The following KCNH8 variants were observed in gnomAD, a reference collection of about 807,000 sequenced individuals.
The protein encoded by KCNH8 is potassium voltage-gated channel subfamily H member 8.
In KCNH8, 70 loss-of-function variants were observed where a neutral mutation model predicts 103.6. The ratio of observed to expected loss-of-function variants is 0.68; its 90% CI spans 0.56 to 0.82. The LOEUF is 0.82. Among genes scored for constraint, KCNH8 ranks in the 40% least tolerant of loss-of-function variants. KCNH8 has a pLI of 0.00. For synonymous variants in KCNH8, 498 were observed against 489.4 expected (o/e 1.02, Z -0.23); for missense variants, 1,217 against 1,329.9 (o/e 0.92, Z 1.32).
At chr3:19,444,038 A>T (rs1242884718) in intron 8 of KCNH8, among the ~76,000 whole-genome samples, 2 of 152,028 alleles carry the variant, frequency 1.3e-5, no homozygotes, top group Non-Finnish European at 2.9e-5. Context: ...TTGAAAATTG[A>T]CAAGTTGTTT....
At chr3:19,186,867 G>A (rs938979160) in intron 1 of KCNH8, among the ~76,000 whole-genome samples, 3 of 152,012 alleles carry the variant, frequency 2.0e-5, no homozygotes, top group Non-Finnish European at 2.9e-5. Context: ...AATGTTTTCT[G>A]CTTCTTAAGC....
chr3:19,482,513 C>T (rs1418764094), intron 11 of KCNH8, among the ~76,000 whole-genome samples: 2 of 152,104 alleles, frequency 1.3e-5, no homozygotes. Context: ...TTTTTGTGAA[C>T]TAAGGTAGCA....
chr3:19,473,885 GTGGATA>G (rs112192029), intron 11 of KCNH8, among the ~76,000 whole-genome samples: 6,960 of 152,222 alleles, frequency 0.046, 364 homozygotes, highest in East Asian at 0.26. Flanking sequence ...TATTTTACCT[GTGGATA>G]TGGATATGTT....
intron 11 of KCNH8, among the ~76,000 whole-genome samples, chr3:19,465,746 GT>G (rs1468378616): frequency 1.3e-5 from 2 of 151,514 alleles, no homozygotes; most frequent in African/African-American, 4.9e-5. Context: ...ATTAACAGGA[GT>G]TTGGAAGAAG....
chr3:19,502,700 G>A (rs1329472360), intron 11 of KCNH8, among the ~76,000 whole-genome samples: 1 of 151,308 alleles, frequency 6.6e-6, no homozygotes, highest in Non-Finnish European at 1.5e-5. Flanking sequence ...TTAATAAATG[G>A]TGCTGGGAAA....
chr3:19,498,875 C>A (rs1422606987), intron 11 of KCNH8, among the ~76,000 whole-genome samples: 2 of 152,074 alleles, frequency 1.3e-5, no homozygotes, highest in African/African-American at 2.4e-5. Flanking sequence ...TGGGGGGTGC[C>A]TCCCAGTTAG....
At chr3:19,331,631 A>T (rs1020407857) in intron 3 of KCNH8, among the ~76,000 whole-genome samples, 5 of 152,160 alleles carry the variant, frequency 3.3e-5, no homozygotes, top group Admixed American at 3.3e-4. Flanking sequence ...AGATGTAGGT[A>T]TTTATGGGAT....
chr3:19,273,907 G>A (rs1030110318), intron 2 of KCNH8, among the ~76,000 whole-genome samples: 3 of 152,124 alleles, frequency 2.0e-5, no homozygotes, highest in African/African-American at 4.8e-5. Context: ...GTTTTAAATA[G>A]TGGTTCTACT....
chr3:19,275,616 T>C (rs2064658462), intron 2 of KCNH8, among the ~76,000 whole-genome samples: 1 of 152,150 alleles, frequency 6.6e-6, no homozygotes, highest in Non-Finnish European at 1.5e-5. Context: ...TCATGTTTTC[T>C]AAAGAACCAT....
At chr3:19,264,128 C>T (rs2064473218) in intron 2 of KCNH8, among the ~76,000 whole-genome samples, 1 of 151,942 alleles carries the variant, frequency 6.6e-6, no homozygotes, top group South Asian at 2.1e-4. Flanking sequence ...TATTTTCAGT[C>T]TTGATAGGAG....
intron 10 of KCNH8, among the ~76,000 whole-genome samples, chr3:19,452,989 T>C (rs1411353875): frequency 6.6e-6 from 1 of 152,172 alleles, no homozygotes; most frequent in African/African-American, 2.4e-5. Flanking sequence ...AAAAATGTGG[T>C]ACATATATGC....
chr3:19,170,187 CTAAGTA>C (rs1301016963), intron 1 of KCNH8, among the ~76,000 whole-genome samples: 1 of 152,138 alleles, frequency 6.6e-6, no homozygotes, highest in Non-Finnish European at 1.5e-5. Context: ...AAAAAACATT[CTAAGTA>C]TGTCTCTAAA....
At chr3:19,323,783 AGCCAC>A in intron 3 of KCNH8, among the ~76,000 whole-genome samples, 1 of 152,226 alleles carries the variant, frequency 6.6e-6, no homozygotes, top group East Asian at 1.9e-4. Flanking sequence ...TTCCGGATCT[AGCCAC>A]CCAGTGGAGC....
rs575884941 is a variant in KCNH8, at chr3:19,487,011, C to T, written c.2041-23352C>T. On this transcript the variant is annotated intron_variant, in intron 11 of 15. Transcript: ENST00000328405. ...AGGACATCCGTACTTTTTGCGCACC[C>T]GACTGCCAAGGAGTGTCCCAGCAGA... Among the ~76,000 whole-genome samples the T allele has an allele frequency of 5.3e-5, 8 of 152,272 alleles. No individual in the cohort carries two copies. The East Asian group carries it at 7.7e-4, about 15-fold the overall frequency.
chr3:19,198,117 G>C (rs2063620200), intron 1 of KCNH8, among the ~76,000 whole-genome samples: 1 of 152,046 alleles, frequency 6.6e-6, no homozygotes, highest in Non-Finnish European at 1.5e-5. Flanking sequence ...TATTCGTCAT[G>C]TGCCTGACAT....
intron 3 of KCNH8, among the ~76,000 whole-genome samples, chr3:19,314,233 T>G (rs1456057227): frequency 6.6e-6 from 1 of 151,978 alleles, no homozygotes; most frequent in Non-Finnish European, 1.5e-5. Flanking sequence ...AAAGATATGA[T>G]AGTAAATATT....
Position 19,189,524 on chromosome 3 carries a change from G to A in KCNH8, c.76+40729G>A, listed in dbSNP as rs553987729. Among the ~76,000 whole-genome samples, 18 of 151,972 alleles carry A rather than the reference G, an allele frequency of 1.2e-4. No individual in the cohort carries two copies. The South Asian group carries it at 2.9e-3, about 25-fold the overall frequency. ...ATTTTAAATAATTAGTTTTTTGAAA[G>A]AGAATTTTTAGAAGGTCATAGTATG... On this transcript the variant is annotated intron_variant, in intron 1 of 15. Transcript: ENST00000328405.
intron 1 of KCNH8, among the ~76,000 whole-genome samples, chr3:19,240,922 T>C (rs1419379700): frequency 6.6e-6 from 1 of 152,176 alleles, no homozygotes; most frequent in East Asian, 1.9e-4. Context: ...CCTTCATTGG[T>C]ATCGCTCTGG....
chr3:19,351,227 G>A (rs573001969), intron 5 of KCNH8, among the ~76,000 whole-genome samples: 1 of 152,134 alleles, frequency 6.6e-6, no homozygotes, highest in South Asian at 2.1e-4. Flanking sequence ...AAGAAACATG[G>A]GACTATGTGA....
Sources: gnomAD v4.1 joint callset for allele counts (sites outside exome capture counted in the v4.1 genomes callset) on GRCh38, gnomAD v4.1.1 for gene constraint, MANE v1.5 for transcripts, NCBI Gene and HGNC (gene_info 2026-07-23, HGNC 2026-07-21) for gene names.